Variants in NELL2 observed in about 807,000 individuals in gnomAD.
NELL2 encodes the protein protein kinase C-binding protein NELL2.
A neutral mutation model predicts 109.6 loss-of-function variants in NELL2; 41 were observed. The ratio of observed to expected loss-of-function variants is 0.37; its 90% CI spans 0.29 to 0.49. The LOEUF (loss-of-function observed/expected upper bound fraction) is 0.49, where lower values mean the gene tolerates loss of function less well. Among genes scored for constraint, NELL2 ranks in the 20% least tolerant of loss-of-function variants. The pLI is 0.98. For missense variants in NELL2, 900 were observed against 1,008.3 expected (o/e 0.89, Z 1.45); for synonymous variants, 355 against 344.7 (o/e 1.03, Z -0.33).
chr12:44,678,149 T>A (rs950552402), intron 12 of NELL2, among the ~76,000 whole-genome samples: 1 of 151,288 alleles, frequency 6.6e-6, no homozygotes, highest in Admixed American at 6.6e-5. Flanking sequence ...TGGAGAAAAA[T>A]TGCTCAGAGA....
intron 9 of NELL2, among the ~76,000 whole-genome samples, chr12:44,740,527 C>G (rs887240426): frequency 1.2e-4 from 18 of 152,086 alleles, no homozygotes; most frequent in Admixed American, 3.3e-4. Context: ...CCTAACCACA[C>G]ATACCTAAAT....
At chr12:44,893,566 G>A (rs2658982) in intron 1 of NELL2, among the ~76,000 whole-genome samples, 3,697 of 152,176 alleles carry the variant, frequency 0.024, 163 homozygotes, top group African/African-American at 0.084. Flanking sequence ...ACTCAGAGAG[G>A]GTAGAGGGAG....
chr12:44,743,231 C>T (rs1401485193), intron 9 of NELL2, among the ~76,000 whole-genome samples: 1 of 152,126 alleles, frequency 6.6e-6, no homozygotes, highest in Non-Finnish European at 1.5e-5. Flanking sequence ...AAATAAAATA[C>T]TTCAAAGACA....
chr12:44,858,058 C>T (rs920751026), intron 2 of NELL2, among the ~76,000 whole-genome samples: 4 of 152,060 alleles, frequency 2.6e-5, no homozygotes, highest in Non-Finnish European at 5.9e-5. Flanking sequence ...AAGCTAATTC[C>T]AAAATAAAAA....
intron 9 of NELL2, among the ~76,000 whole-genome samples, chr12:44,722,787 T>C (rs1592399882): frequency 1.3e-5 from 2 of 152,164 alleles, no homozygotes; most frequent in Non-Finnish European, 2.9e-5. Flanking sequence ...GAAACCTATA[T>C]TACCTGGAAG....
At chr12:44,743,226 A>C (rs554111414) in intron 9 of NELL2, among the ~76,000 whole-genome samples, 2 of 152,304 alleles carry the variant, frequency 1.3e-5, no homozygotes, top group East Asian at 1.9e-4. Flanking sequence ...AGGAGAAATA[A>C]AATACTTCAA....
At chr12:44,725,764 C>T (rs1334008161) in intron 9 of NELL2, among the ~76,000 whole-genome samples, 1 of 152,076 alleles carries the variant, frequency 6.6e-6, no homozygotes, top group Non-Finnish European at 1.5e-5. Flanking sequence ...AAACCAAATA[C>T]CACATGTTTT....
chr12:44,582,833 G>C (rs1309434595), intron 15 of NELL2, among the ~76,000 whole-genome samples: 1 of 152,048 alleles, frequency 6.6e-6, no homozygotes, highest in African/African-American at 2.4e-5. Flanking sequence ...CCCAACAGGA[G>C]GTGATTAGGT....
intron 9 of NELL2, among the ~76,000 whole-genome samples, chr12:44,768,933 T>A (rs1440842864): frequency 6.6e-6 from 1 of 152,154 alleles, no homozygotes; most frequent in African/African-American, 2.4e-5. Flanking sequence ...GTTTACTGGT[T>A]ACTTTGTTTC....
chr12:44,628,403 T>C (rs1202558532), intron 13 of NELL2, among the ~76,000 whole-genome samples: 1 of 152,132 alleles, frequency 6.6e-6, no homozygotes, highest in African/African-American at 2.4e-5. Flanking sequence ...TGAAACACAA[T>C]CCAAGCCAAA....
chr12:44,524,449 C>A lies in NELL2; in HGVS notation c.1805-965G>T, dbSNP rs1215601724. Among the ~76,000 whole-genome samples, 3 of 152,148 alleles carry A rather than the reference C, an allele frequency of 2.0e-5. No homozygotes were observed. The East Asian group carries it at 5.8e-4, about 29-fold the overall frequency. ...CAAGAAAGAAAGAATTAAATCATGG[C>A]AGAAGTGGGTTAGAGACAAGATGGA... is the stretch of plus-strand genomic sequence containing the variant. On this transcript the variant is annotated intron_variant, in intron 16 of 19. Transcript: ENST00000429094.
chr12:44,761,838 T>A (rs1363009851), intron 9 of NELL2, among the ~76,000 whole-genome samples: 1 of 152,052 alleles, frequency 6.6e-6, no homozygotes, highest in Admixed American at 6.6e-5. Flanking sequence ...TGGGTACACA[T>A]GGACGTACAA....
intron 11 of NELL2, among the ~76,000 whole-genome samples, chr12:44,705,204 C>T (rs1365010153): frequency 6.6e-6 from 1 of 151,860 alleles, no homozygotes; most frequent in Non-Finnish European, 1.5e-5. Flanking sequence ...AACATACTCC[C>T]TATTAATGCA....
rs1049371416 is a variant in NELL2 at position 44,668,921 on chromosome 12, C to T, written c.1319-3312G>A. Among the ~76,000 whole-genome samples, 6 of 152,146 alleles carry T rather than the reference C, an allele frequency of 3.9e-5. No individual in the cohort carries two copies. In the East Asian group the frequency reaches 1.2e-3, roughly 30 times the overall value. ...CAACTACCAGAACCTGAGCACACCA[C>T]CCAGAGGCCCAAGAACAGGCCCACC... is the stretch of plus-strand genomic sequence containing the variant. On this transcript the variant is annotated intron_variant, in intron 12 of 19. Coordinates refer to ENST00000429094, the MANE Select transcript of NELL2 (RefSeq NM_001145108.2).
chr12:44,901,990 A>G (rs1226770125), intron 1 of NELL2, among the ~76,000 whole-genome samples: 1 of 152,204 alleles, frequency 6.6e-6, no homozygotes, highest in African/African-American at 2.4e-5. Context: ...GAAAACTGGC[A>G]CAAGACAAGG....
At chr12:44,770,605 A>G (rs919197104) in intron 9 of NELL2, among the ~76,000 whole-genome samples, 1 of 152,246 alleles carries the variant, frequency 6.6e-6, no homozygotes. Context: ...TATATTATAT[A>G]CTGAAACTCT....
intron 15 of NELL2, among the ~76,000 whole-genome samples, chr12:44,558,756 C>A (rs984379116): frequency 2.0e-5 from 3 of 152,150 alleles, no homozygotes; most frequent in African/African-American, 7.2e-5. Context: ...GTTGTTTGGG[C>A]AGACACTGAG....
chr12:44,624,996 G>A (rs2198340), intron 13 of NELL2, among the ~76,000 whole-genome samples: 35,667 of 70,176 alleles, frequency 0.51, 7,074 homozygotes, highest in South Asian at 0.72. Flanking sequence ...ATATGTGTGT[G>A]TATATATATA....
intron 3 of NELL2, among the ~76,000 whole-genome samples, chr12:44,783,715 C>G (rs532457241): frequency 2.6e-5 from 4 of 151,942 alleles, no homozygotes; most frequent in African/African-American, 9.6e-5. Context: ...AATCTCCAGG[C>G]CCAGAAGTTT....
Sources: gnomAD v4.1 joint callset for allele counts (sites outside exome capture counted in the v4.1 genomes callset) on GRCh38, gnomAD v4.1.1 for gene constraint, MANE v1.5 for transcripts, NCBI Gene and HGNC (gene_info 2026-07-23, HGNC 2026-07-21) for gene names.